ANKH: variants seen among roughly 807,000 people sequenced by gnomAD.
The protein encoded by ANKH is ANKH inorganic pyrophosphate transport regulator, also known as mineralization regulator ANKH.
A neutral mutation model predicts 49.0 loss-of-function variants in ANKH; 15 were observed. That is an observed-to-expected ratio of 0.31 (90% CI 0.20 to 0.47). The LOEUF (loss-of-function observed/expected upper bound fraction) is 0.47, where lower values mean the gene tolerates loss of function less well. ANKH is among the 20% of genes least tolerant of loss of function. The probability of loss-of-function intolerance (pLI) is 1.00; values close to 1 mark genes in which losing one functional copy is unlikely to be tolerated. For synonymous variants in ANKH, 273 were observed against 260.0 expected, an observed-to-expected ratio of 1.05 and a Z score of -0.48; for missense variants, 429 against 652.0, an observed-to-expected ratio of 0.66 and a Z score of 3.72.
At chr5:14,782,236 T>A (rs76016679) in intron 1 of ANKH, among the ~76,000 whole-genome samples, 6,874 of 152,194 alleles carry the variant, frequency 0.045, 199 homozygotes, top group South Asian at 0.067. Context: ...ATGATGATGA[T>A]CTCAGCAACT....
intron 1 of ANKH, among the ~76,000 whole-genome samples, chr5:14,813,642 A>G (rs1740950528): frequency 6.6e-6 from 1 of 152,136 alleles, no homozygotes; most frequent in South Asian, 2.1e-4. Flanking sequence ...GCCCCTGCCC[A>G]CGGCGTCTAT....
At chr5:14,807,273 C>G (rs7710944) in intron 1 of ANKH, among the ~76,000 whole-genome samples, 1,729 of 152,126 alleles carry the variant, frequency 0.011, 37 homozygotes, top group African/African-American at 0.04. Flanking sequence ...CACCACCATG[C>G]CTGGCTAATT....
intron 1 of ANKH, among the ~76,000 whole-genome samples, chr5:14,849,567 T>C (rs1200837460): frequency 6.6e-6 from 1 of 152,230 alleles, no homozygotes; most frequent in East Asian, 1.9e-4. Flanking sequence ...GGTCTCATTG[T>C]CATGATATAC....
At chr5:14,797,717 T>C (rs2126555692) in intron 1 of ANKH, 4 of 1,605,504 alleles carry the variant, frequency 2.5e-6, no homozygotes, top group Middle Eastern at 2.3e-4. Context: ...CTTCTACTAT[T>C]GCCGTATGCC....
At chr5:14,840,848 G>A (rs1305661382) in intron 1 of ANKH, among the ~76,000 whole-genome samples, 1 of 152,180 alleles carries the variant, frequency 6.6e-6, no homozygotes, top group East Asian at 1.9e-4. Context: ...CCTGGAAGGT[G>A]ACTGCAAGGG....
chr5:14,789,545 C>G (rs1327922160), intron 1 of ANKH, among the ~76,000 whole-genome samples: 1 of 151,718 alleles, frequency 6.6e-6, no homozygotes, highest in African/African-American at 2.4e-5. Flanking sequence ...GGTAACCTCT[C>G]TTTAACACTA....
At chr5:14,798,256 A>C in intron 1 of ANKH, 1 of 1,605,398 alleles carries the variant, frequency 6.2e-7, no homozygotes, top group Non-Finnish European at 8.5e-7. Context: ...TCTGGAAGCC[A>C]CTGGGCAGTT....
chr5:14,838,531 C>T (rs1741725356), intron 1 of ANKH, among the ~76,000 whole-genome samples: 1 of 152,158 alleles, frequency 6.6e-6, no homozygotes, highest in African/African-American at 2.4e-5. Context: ...GTATGTCCTT[C>T]TCAGTGTGGG....
At chr5:14,825,976 C>T (rs79965325) in intron 1 of ANKH, 2,108 of 153,256 alleles carry the variant, frequency 0.014, 47 homozygotes, top group African/African-American at 0.048. Context: ...TAAATACAAT[C>T]TATGATTAAA....
chr5:14,821,874 GT>G (rs1741206595), intron 1 of ANKH, among the ~76,000 whole-genome samples: 1 of 152,190 alleles, frequency 6.6e-6, no homozygotes, highest in Admixed American at 6.5e-5. Flanking sequence ...CATTAGATCA[GT>G]GTTTGGGTTT....
At chr5:14,825,553 A>G (rs1741315656) in intron 1 of ANKH, among the ~76,000 whole-genome samples, 1 of 151,964 alleles carries the variant, frequency 6.6e-6, no homozygotes, top group African/African-American at 2.4e-5. Context: ...GGATCTCACT[A>G]TGTTGCCCAG....
At position 14,725,893 on chromosome 5, in the gene ANKH, G is replaced by A. The variant is rs769563854; in HGVS notation, c.1012-9058C>T. Among the ~76,000 whole-genome samples, 3 of 152,280 alleles carry A rather than the reference G, an allele frequency of 2.0e-5. No homozygotes were observed. The highest frequency in any genetic ancestry group is 4.1e-4 in the South Asian group (2 of 4,822). ...CCTGAGTAGCTGGGACTACAGGTAC[G>A]TGCCACCACGCCCAGCTAATTTTTG... On this transcript the variant is annotated intron_variant, in intron 8 of 11. Transcript: ENST00000284268. This position sits in a 1 kb window ranked among gnomAD's most constrained non-coding sequence, Gnocchi z 4.0.
intron 9 of ANKH, among the ~76,000 whole-genome samples, chr5:14,714,523 G>A (rs1411237118): frequency 1.3e-5 from 2 of 152,300 alleles, no homozygotes; most frequent in African/African-American, 2.4e-5. Flanking sequence ...TCATTCCTGG[G>A]ATAAAAATTC....
intron 1 of ANKH, among the ~76,000 whole-genome samples, chr5:14,816,603 T>C (rs990436049): frequency 6.6e-6 from 1 of 152,122 alleles, no homozygotes; most frequent in Non-Finnish European, 1.5e-5. Flanking sequence ...GGCTCTATTC[T>C]CTCACAAAAG....
intron 1 of ANKH, among the ~76,000 whole-genome samples, chr5:14,792,665 G>A (rs1580071630): frequency 6.6e-6 from 1 of 152,076 alleles, no homozygotes; most frequent in Non-Finnish European, 1.5e-5. Flanking sequence ...ACTCATCCTT[G>A]AAGTTACGTG....
Position 14,749,306 on chromosome 5 carries a change from C to T in ANKH, c.688G>A (p.Gly230Arg). 6.2e-7 allele frequency: 1 copy of T among 1,614,170 alleles called. No homozygotes were observed. Among genetic ancestry groups the T allele is most frequent in the Non-Finnish European group, 8.5e-7 (1 of 1,180,022 alleles). The change falls in exon 6 of 12, where the codon GGA becomes AGA. Residue 230 changes from glycine to arginine, a missense_variant and splice_region_variant. Physicochemically the swap from Gly to Arg is moderately radical, Grantham distance 125. Transcript: ENST00000284268. ...IPDRSGPELGGDATIRKMLSF... is the reference protein window; with the variant it reads ...IPDRSGPELGRDATIRKMLSF... ...AGCATCTTTCTTATTGTTGCATCTC[C>T]CTGTGTTAAGAAACGAAGATAAAAG... is the stretch of plus-strand genomic sequence containing the variant.
intron 9 of ANKH, among the ~76,000 whole-genome samples, chr5:14,714,892 C>G (rs1011513629): frequency 5.3e-5 from 8 of 152,230 alleles, no homozygotes; most frequent in African/African-American, 1.9e-4. Context: ...CTCCTCTGGT[C>G]ACTACTGTAG....
In ANKH at chr5:14,711,256, C is replaced by G; in HGVS notation, c.1420G>C (p.Asp474His). Residue 474 changes from aspartate to histidine, a missense_variant, in exon 12 of 12, where the codon GAC becomes CAC. By Grantham distance (81) the Asp-to-His change is moderately conservative (BLOSUM62 -1). This residue lies in a region of ANKH where 51 missense variants were observed against 36.7 expected (regional missense o/e 1.39). Transcript: ENST00000284268. ...ATEGEDSAMT[D>H]MPPTEEVTDI... Reference sequence around the variant, plus strand: ...GTCACCTCCTCTGTCGGAGGCATGTCTGTCATGGCAGAGTCTTCCCCCTCC... The same window carrying G: ...GTCACCTCCTCTGTCGGAGGCATGTGTGTCATGGCAGAGTCTTCCCCCTCC... The G allele has an allele frequency of 6.2e-7, 1 of 1,614,148 alleles. No individual in the cohort carries two copies.
intron 1 of ANKH, among the ~76,000 whole-genome samples, chr5:14,808,236 T>A (rs1005732607): frequency 6.6e-6 from 1 of 150,952 alleles, no homozygotes; most frequent in Non-Finnish European, 1.5e-5. Context: ...CTTCCAGCAT[T>A]TTTTTCTACA....
Sources: gnomAD v4.1 joint callset for allele counts (sites outside exome capture counted in the v4.1 genomes callset) on GRCh38, gnomAD v4.1.1 for gene constraint, gnomAD v4.1.1 regional missense constraint, Gnocchi (gnomAD v3.1) non-coding constraint, MANE v1.5 for transcripts, NCBI Gene and HGNC (gene_info 2026-07-23, HGNC 2026-07-21) for gene names.